The following STPG2 variants were observed in gnomAD, a reference collection of about 807,000 sequenced individuals.
STPG2 encodes the protein sperm-tail PG-rich repeat-containing protein 2.
Under a neutral mutation model 54.2 loss-of-function variants are expected in STPG2, and 56 were observed. That is an observed-to-expected ratio of 1.03 (90% confidence interval 0.83 to 1.29). The LOEUF (loss-of-function observed/expected upper bound fraction) is 1.29, where lower values mean the gene tolerates loss of function less well. Ranked by LOEUF, STPG2 falls within the 50% of genes most tolerant of loss-of-function variation. The pLI is 0.00. For missense variants in STPG2, 596 were observed against 544.9 expected (o/e 1.09, Z -0.93); for synonymous variants, 200 against 181.8 (o/e 1.10, Z -0.81).
chr4:97,727,774 T>A (rs1307441741), intron 9 of STPG2, among the ~76,000 whole-genome samples: 1 of 151,862 alleles, frequency 6.6e-6, no homozygotes, highest in African/African-American at 2.4e-5. Context: ...TAAATTAATT[T>A]AAAAATTTTT....
intron 8 of STPG2, among the ~76,000 whole-genome samples, chr4:97,920,271 G>A (rs187866221): frequency 2.8e-4 from 42 of 152,198 alleles, no homozygotes; most frequent in Admixed American, 5.9e-4. Context: ...TCACTATTTC[G>A]CCTTGTCACA....
At chr4:97,555,845 A>G (rs2148870321), downstream of STPG2, among the ~76,000 whole-genome samples, 1 of 152,240 alleles carries the variant, frequency 6.6e-6, no homozygotes, top group South Asian at 2.1e-4. Context: ...TAAATAGAAG[A>G]CACAAAGATA....
intron 7 of STPG2, among the ~76,000 whole-genome samples, chr4:97,964,845 T>C (rs1734031662): frequency 6.6e-6 from 1 of 152,218 alleles, no homozygotes; most frequent in African/African-American, 2.4e-5. Context: ...CCTATTGGTC[T>C]TGACAGAATC....
chr4:97,884,907 A>G (rs1730507318), intron 8 of STPG2, among the ~76,000 whole-genome samples: 1 of 152,148 alleles, frequency 6.6e-6, no homozygotes, highest in South Asian at 2.1e-4. Context: ...TAATGACCAA[A>G]AAAAACCAGA....
At chr4:97,516,839 C>T (rs1029905770) in intron 4 of STPG2, among the ~76,000 whole-genome samples, 4 of 115,490 alleles carry the variant, frequency 3.5e-5, no homozygotes, top group African/African-American at 1.2e-4. Context: ...TCCATCTCAA[C>T]AACAACAACA....
chr4:98,029,463 T>C (rs941594824), intron 5 of STPG2, among the ~76,000 whole-genome samples: 2 of 152,176 alleles, frequency 1.3e-5, no homozygotes, highest in African/African-American at 2.4e-5. Context: ...TTTATTCTTA[T>C]ATGTATTTTA....
At chr4:97,870,543 A>C (rs867766623) in intron 8 of STPG2, among the ~76,000 whole-genome samples, 4 of 151,530 alleles carry the variant, frequency 2.6e-5, no homozygotes, top group East Asian at 3.9e-4. Context: ...TAATATTATA[A>C]AAATTACAAT....
chr4:97,888,394 C>A (rs1730657197), intron 8 of STPG2, among the ~76,000 whole-genome samples: 1 of 152,154 alleles, frequency 6.6e-6, no homozygotes, highest in Non-Finnish European at 1.5e-5. Context: ...GGGAGCAGAC[C>A]CCTTGCACCA....
At chr4:97,958,067 G>A (rs953052506) in intron 7 of STPG2, among the ~76,000 whole-genome samples, 3 of 152,100 alleles carry the variant, frequency 2.0e-5, no homozygotes, top group African/African-American at 7.2e-5. Context: ...CCAGTACTTT[G>A]GGAGGCAGAG....
At chr4:97,938,433 G>A (rs1296252698) in intron 8 of STPG2, among the ~76,000 whole-genome samples, 1 of 152,216 alleles carries the variant, frequency 6.6e-6, no homozygotes, top group East Asian at 1.9e-4. Context: ...GTTGTCTTAG[G>A]CAGTCAGTAG....
chr4:97,707,645 A>G (rs1723990237), intron 10 of STPG2, among the ~76,000 whole-genome samples: 2 of 152,190 alleles, frequency 1.3e-5, no homozygotes. Context: ...TGCACTAGAA[A>G]GAAATATTGA....
At chr4:97,654,408 T>A (rs1200112978) in intron 10 of STPG2, among the ~76,000 whole-genome samples, 1 of 152,172 alleles carries the variant, frequency 6.6e-6, no homozygotes, top group Middle Eastern at 3.4e-3. Flanking sequence ...GGTAAAAGAC[T>A]TCCGAGAAAT....
chr4:97,942,161 C>T (rs1477570087), intron 8 of STPG2, among the ~76,000 whole-genome samples: 2 of 147,616 alleles, frequency 1.4e-5, no homozygotes, highest in South Asian at 2.1e-4. Context: ...ATATTTAAAA[C>T]GTATCTATAC....
At chr4:97,522,634 C>A (rs537564682) in intron 4 of STPG2, among the ~76,000 whole-genome samples, 2 of 152,044 alleles carry the variant, frequency 1.3e-5, no homozygotes, top group African/African-American at 4.8e-5. Flanking sequence ...GACAAACCAA[C>A]CTGCAGAGTA....
At chr4:97,455,176 T>A (rs527542674) in intron 4 of STPG2, among the ~76,000 whole-genome samples, 1 of 150,984 alleles carries the variant, frequency 6.6e-6, no homozygotes, top group South Asian at 2.1e-4. Flanking sequence ...CAAAAGAAAA[T>A]CTAGATGACG....
intron 9 of STPG2, among the ~76,000 whole-genome samples, chr4:97,772,307 A>G (rs1266586531): frequency 6.6e-6 from 1 of 152,218 alleles, no homozygotes; most frequent in Non-Finnish European, 1.5e-5. Flanking sequence ...TTGAAATCGT[A>G]TCAATCAAAA....
At chr4:97,923,109 C>T (rs777615402) in intron 8 of STPG2, among the ~76,000 whole-genome samples, 19 of 152,282 alleles carry the variant, frequency 1.2e-4, no homozygotes, top group African/African-American at 2.9e-4. Flanking sequence ...TCGCAGCCCT[C>T]GCTCACTCTT....
rs112237055 is a variant in STPG2 at position 97,879,745 on chromosome 4, T to G, written c.1045-38813A>C. 5.7e-3 allele frequency among the ~76,000 whole-genome samples: 863 copies of G among 152,134 alleles called. 5 individuals are homozygous for G. The highest frequency in any genetic ancestry group is 0.02 in the Middle Eastern group (6 of 294). On this transcript the variant is annotated intron_variant, in intron 8 of 10. Transcript: ENST00000295268. The stretch of plus-strand genomic sequence containing the variant: ...TCTCTAATCACCAGGAAAATGCATA[T>G]TAAAACACAATAGGGTATCATCTCA...
chr4:97,897,492 A>G (rs1274580652), intron 8 of STPG2, among the ~76,000 whole-genome samples: 1 of 152,134 alleles, frequency 6.6e-6, no homozygotes, highest in Non-Finnish European at 1.5e-5. Flanking sequence ...CCTGTCTTCC[A>G]CAATAGTTGA....
Sources: gnomAD v4.1 joint callset for allele counts (sites outside exome capture counted in the v4.1 genomes callset) on GRCh38, gnomAD v4.1.1 for gene constraint, MANE v1.5 for transcripts, NCBI Gene and HGNC (gene_info 2026-07-23, HGNC 2026-07-21) for gene names.